FGGY: variants seen among roughly 807,000 people sequenced by gnomAD.
FGGY encodes the protein FGGY carbohydrate kinase domain containing.
In FGGY, 72 loss-of-function variants were observed where a neutral mutation model predicts 71.3. The observed-to-expected ratio is 1.01, with a 90% confidence interval of 0.84 to 1.23. The LOEUF is 1.23. FGGY is among the 50% of genes most tolerant of loss of function. The pLI is 0.00. For missense variants in FGGY, 668 were observed against 682.3 expected, an observed-to-expected ratio of 0.98 and a Z score of 0.23; for synonymous variants, 251 against 250.3, an observed-to-expected ratio of 1.00 and a Z score of -0.02.
At chr1:59,457,334 G>C (rs182326774) in intron 6 of FGGY, among the ~76,000 whole-genome samples, 35 of 152,260 alleles carry the variant, frequency 2.3e-4, no homozygotes, top group African/African-American at 8.4e-4. Flanking sequence ...AATTGCGCTG[G>C]GCATGGTGGC....
chr1:59,377,634 TG>T (rs1267218188), intron 4 of FGGY, among the ~76,000 whole-genome samples: 1 of 152,020 alleles, frequency 6.6e-6, no homozygotes. Flanking sequence ...CAAATGATTG[TG>T]GGGGTGGTAT....
In FGGY at chr1:59,471,078, A is replaced by G. The variant is rs147835414; in HGVS notation, c.670+14002A>G. 2.9e-3 allele frequency among the ~76,000 whole-genome samples: 436 copies of G among 152,294 alleles called. 1 individual carries two copies. Among genetic ancestry groups the G allele is most frequent in the African/African-American group, 0.01 (423 of 41,548 alleles). On this transcript the variant is annotated intron_variant, in intron 6 of 15. Transcript: ENST00000303721. Reference sequence around the variant, plus strand: ...GGAGGCTTATATGGTTTGCCTCTGCATCCCCACCCAAATCTCATCTCAAAT... The same window carrying G: ...GGAGGCTTATATGGTTTGCCTCTGCGTCCCCACCCAAATCTCATCTCAAAT...
intron 14 of FGGY, among the ~76,000 whole-genome samples, chr1:59,681,252 CTT>C (rs2097495434): frequency 2.0e-5 from 3 of 152,136 alleles, no homozygotes; most frequent in Admixed American, 2.0e-4. Flanking sequence ...ATTAAAATAA[CTT>C]GAATTAAAAG....
In FGGY at chr1:59,740,390, A is replaced by C. The variant is rs565680080; in HGVS notation, c.1513-17541A>C. On this transcript the variant is annotated intron_variant, in intron 14 of 15. Transcript: ENST00000303721. ...CTACCTCTAAGAGAAAAGCCATTAG[A>C]AAGACAACTGCCATTAAATCTCCCA... Among the ~76,000 whole-genome samples the C allele has an allele frequency of 2.0e-5, 3 of 152,336 alleles. No individual in the cohort carries two copies. In the South Asian group the frequency reaches 6.2e-4, roughly 32 times the overall value.
At chr1:59,314,056 C>T (rs1027000529) in intron 1 of FGGY, among the ~76,000 whole-genome samples, 4 of 151,960 alleles carry the variant, frequency 2.6e-5, no homozygotes, top group Non-Finnish European at 5.9e-5. Context: ...AGCTCTGCCT[C>T]CCAGGTTCAC....
At chr1:59,696,301 A>G (rs1292536877) in intron 14 of FGGY, among the ~76,000 whole-genome samples, 1 of 152,236 alleles carries the variant, frequency 6.6e-6, no homozygotes, top group Non-Finnish European at 1.5e-5. Flanking sequence ...AGTACCTAGC[A>G]TTAAACCTGG....
chr1:59,695,745 C>G (rs1311355573), intron 14 of FGGY, among the ~76,000 whole-genome samples: 1 of 152,158 alleles, frequency 6.6e-6, no homozygotes, highest in South Asian at 2.1e-4. Flanking sequence ...GGGCCTGGAC[C>G]GTGGCTGGTC....
intron 6 of FGGY, among the ~76,000 whole-genome samples, chr1:59,505,099 T>G (rs1051487662): frequency 1.3e-5 from 2 of 152,206 alleles, no homozygotes; most frequent in Non-Finnish European, 2.9e-5. Flanking sequence ...TGTGTTTCTT[T>G]ATTAAACACC....
At chr1:59,704,109 G>A (rs1420427284) in intron 14 of FGGY, among the ~76,000 whole-genome samples, 1 of 152,148 alleles carries the variant, frequency 6.6e-6, no homozygotes, top group South Asian at 2.1e-4. Flanking sequence ...ATGTGTATAT[G>A]TGCGCACATG....
chr1:59,580,479 C>T (rs1049916323), intron 8 of FGGY, among the ~76,000 whole-genome samples: 5 of 152,128 alleles, frequency 3.3e-5, no homozygotes, highest in South Asian at 2.1e-4. Flanking sequence ...TCTGTGACAC[C>T]GCGTGAGTCA....
intron 5 of FGGY, among the ~76,000 whole-genome samples, chr1:59,417,132 A>ATAT (rs2064600050): frequency 1.3e-5 from 2 of 152,084 alleles, no homozygotes; most frequent in Admixed American, 1.3e-4. Flanking sequence ...ATCCCTCTAC[A>ATAT]CCTAGCCATT....
chr1:59,507,165 A>G (rs1414911113), intron 6 of FGGY, among the ~76,000 whole-genome samples: 1 of 152,238 alleles, frequency 6.6e-6, no homozygotes, highest in Non-Finnish European at 1.5e-5. Flanking sequence ...AGTAAAGTAC[A>G]GAAACAGCTG....
At chr1:59,589,329 A>T (rs1313726050) in intron 8 of FGGY, among the ~76,000 whole-genome samples, 1 of 152,168 alleles carries the variant, frequency 6.6e-6, no homozygotes, top group East Asian at 1.9e-4. Flanking sequence ...CTCCCACACA[A>T]TAATAATGGG....
intron 13 of FGGY, among the ~76,000 whole-genome samples, chr1:59,669,860 C>T (rs2097361873): frequency 6.6e-6 from 1 of 152,198 alleles, no homozygotes; most frequent in African/African-American, 2.4e-5. Context: ...CGCTGCAGCC[C>T]TGGACTTTGT....
rs1450915611 is a variant in FGGY at position 59,588,950 on chromosome 1, A to C, written c.904-18853A>C. Among the ~76,000 whole-genome samples, 6 of 152,350 alleles carry C rather than the reference A, an allele frequency of 3.9e-5. No individual in the cohort carries two copies. In the East Asian group the frequency reaches 1.2e-3, roughly 29 times the overall value. Reference sequence around the variant, plus strand: ...ATTCACACATAACAATATTAACTTTAAATGTAAATGGACTAAATGCTCCAA... The same window carrying C: ...ATTCACACATAACAATATTAACTTTCAATGTAAATGGACTAAATGCTCCAA... On this transcript the variant is annotated intron_variant, in intron 8 of 15. Transcript: ENST00000303721.
At chr1:59,476,069 A>G (rs959673129) in intron 6 of FGGY, among the ~76,000 whole-genome samples, 6 of 152,196 alleles carry the variant, frequency 3.9e-5, no homozygotes, top group Admixed American at 6.5e-5. Context: ...TTTCCAGTGT[A>G]TATAGCTTTT....
At chr1:59,299,698 TG>T (rs531998146) in intron 1 of FGGY, among the ~76,000 whole-genome samples, 2 of 9,220 alleles carry the variant, frequency 2.2e-4, no homozygotes, top group African/African-American at 3.7e-4. Context: ...TGGACAAGGG[TG>T]GGGGGGCGGG....
In FGGY at chr1:59,435,091, C is replaced by A. The variant is rs535165630; in HGVS notation, c.555-21870C>A. 3.4e-4 allele frequency among the ~76,000 whole-genome samples: 52 copies of A among 152,226 alleles called. 2 individuals are homozygous for A. In the South Asian group the frequency reaches 0.011, roughly 31 times the overall value. On this transcript the variant is annotated intron_variant, in intron 5 of 15. Transcript: ENST00000303721. ...GAAATTAGTGAGACAATGAGAATAT[C>A]CAAGATACATGGAGAGCTTAGCCCA...
Position 59,602,547 on chromosome 1 carries a change from A to G in FGGY, c.904-5256A>G, listed in dbSNP as rs1346137633. 3.3e-5 allele frequency among the ~76,000 whole-genome samples: 5 copies of G among 152,194 alleles called. No homozygotes were observed. The East Asian group carries it at 7.7e-4, about 23-fold the overall frequency. On this transcript the variant is annotated intron_variant, in intron 8 of 15. Coordinates refer to ENST00000303721, the MANE Select transcript of FGGY (RefSeq NM_018291.5). ...GATCTGTTGATGCAAAACTATACCC[A>G]TCCTTCAAACCATGCGATCTTTTAT...
Sources: allele counts gnomAD v4.1 joint callset (sites outside exome capture counted in the v4.1 genomes callset), GRCh38; gene constraint gnomAD v4.1.1; transcripts MANE v1.5; gene names NCBI Gene and HGNC (gene_info 2026-07-23, HGNC 2026-07-21).